Variants in DLG5 observed in about 807,000 individuals in gnomAD.
DLG5 encodes discs large MAGUK scaffold protein 5.
Under a neutral mutation model 189.8 loss-of-function variants are expected in DLG5, and 48 were observed. The observed-to-expected ratio is 0.25, with a 90% confidence interval of 0.20 to 0.32. DLG5 has a LOEUF of 0.32. DLG5 is among the 10% of genes least tolerant of loss of function. DLG5 has a pLI of 1.00. For missense variants in DLG5, 2,160 were observed against 2,544.7 expected (o/e 0.85, Z 3.25); for synonymous variants, 1,016 against 1,054.1 (o/e 0.96, Z 0.70).
intron 5 of DLG5, among the ~76,000 whole-genome samples, chr10:77,847,631 T>G (rs928176394): frequency 5.9e-5 from 9 of 152,134 alleles, no homozygotes; most frequent in Non-Finnish European, 1.2e-4. Flanking sequence ...ATGTTCTTGG[T>G]AGGTATTTCC....
intron 1 of DLG5, among the ~76,000 whole-genome samples, chr10:77,905,777 C>T (rs116278519): frequency 1.4e-3 from 215 of 152,292 alleles, no homozygotes; most frequent in African/African-American, 4.9e-3. Flanking sequence ...TTCTCTCTCT[C>T]GTCTTATTTA....
intron 1 of DLG5, among the ~76,000 whole-genome samples, chr10:77,904,548 G>A (rs114688808): frequency 0.011 from 1,736 of 152,112 alleles, 27 homozygotes; most frequent in African/African-American, 0.04. Flanking sequence ...AGGGACTTAC[G>A]GGGAGGTAAC....
chr10:77,830,163 G>C, intron 11 of DLG5, 54 bp downstream of exon 11: 1 of 1,609,806 alleles, frequency 6.2e-7, no homozygotes, highest in African/African-American at 1.3e-5. Context: ...CGGGTCCTCT[G>C]CACTGGGAAG....
intron 15 of DLG5, 21 bp from the exon 16 acceptor site, chr10:77,820,039 G>T: frequency 2.5e-6 from 4 of 1,611,988 alleles, no homozygotes; most frequent in Non-Finnish European, 3.4e-6. Flanking sequence ...AAGGGCAAGA[G>T]TGTCTGCTAG....
At chr10:77,856,596 G>A in intron 3 of DLG5, 134 bp downstream of exon 3, 1 of 1,175,164 alleles carries the variant, frequency 8.5e-7, no homozygotes, top group South Asian at 1.5e-5. Context: ...TGGACATGAG[G>A]TGGGGGAAAG....
chr10:77,934,855 T>TTG, the DLG5 span, among the ~76,000 whole-genome samples: 2,012 of 147,774 alleles, frequency 0.014, 53 homozygotes, highest in African/African-American at 0.043. Context: ...TTTTTTTGTT[T>TTG]TTTTGTTTTT....
chr10:77,820,589 G>A (rs12260898), intron 15 of DLG5: 5,252 of 176,162 alleles, frequency 0.03, 296 homozygotes, highest in African/African-American at 0.12. Context: ...CATCAGGCAC[G>A]TACAACTCTG....
At chr10:77,849,629 C>T (rs551084479) in intron 5 of DLG5, among the ~76,000 whole-genome samples, 133 of 152,348 alleles carry the variant, frequency 8.7e-4, no homozygotes, top group Middle Eastern at 3.4e-3. Context: ...ATCCCCACCC[C>T]CGCCCCTGCT....
the DLG5 span, among the ~76,000 whole-genome samples, chr10:77,935,825 A>G: frequency 1.3e-5 from 2 of 152,170 alleles, no homozygotes; most frequent in African/African-American, 2.4e-5. Context: ...AGTTGTTTCT[A>G]GGACAGGTTT....
At chr10:77,822,338 C>T (rs1182950847) in intron 14 of DLG5, among the ~76,000 whole-genome samples, 6 of 152,198 alleles carry the variant, frequency 3.9e-5, no homozygotes, top group South Asian at 4.1e-4. Context: ...GTTTTCTTAA[C>T]TTTGAACACT....
intron 3 of DLG5, among the ~76,000 whole-genome samples, chr10:77,855,116 T>G (rs145433820): frequency 5.4e-4 from 82 of 152,372 alleles, no homozygotes; most frequent in African/African-American, 1.6e-3. Context: ...CCAGGTCAAT[T>G]ACATTAGCAT....
intron 1 of DLG5, among the ~76,000 whole-genome samples, chr10:77,880,386 G>A (rs1845241289): frequency 2.0e-5 from 3 of 152,276 alleles, no homozygotes; most frequent in East Asian, 1.9e-4. Context: ...CCCAGGAGGC[G>A]GAGGTTGCAG....
the DLG5 span, among the ~76,000 whole-genome samples, chr10:77,940,465 C>T: frequency 1.3e-5 from 2 of 152,160 alleles, no homozygotes; most frequent in Non-Finnish European, 2.9e-5. Flanking sequence ...TAATTTTGGA[C>T]ACAAATCTTT....
chr10:77,827,854 A>G (rs1233595498), intron 13 of DLG5, among the ~76,000 whole-genome samples: 1 of 152,206 alleles, frequency 6.6e-6, no homozygotes, highest in Non-Finnish European at 1.5e-5. Context: ...TAAGCAAAAC[A>G]ACACCAAGAA....
intron 27 of DLG5, among the ~76,000 whole-genome samples, chr10:77,799,243 C>T (rs550799620): frequency 5.3e-5 from 8 of 152,302 alleles, no homozygotes; most frequent in Admixed American, 2.0e-4. Flanking sequence ...TTAGACCATA[C>T]GGCAATGGCT....
intron 7 of DLG5, among the ~76,000 whole-genome samples, chr10:77,840,485 A>C (rs923716351): frequency 1.3e-5 from 2 of 152,236 alleles, no homozygotes; most frequent in Non-Finnish European, 2.9e-5. Context: ...TGGGAGGCCG[A>C]GGCGGAAGGA....
At chr10:77,922,539 T>C (rs1432153545) in intron 1 of DLG5, among the ~76,000 whole-genome samples, 1 of 152,150 alleles carries the variant, frequency 6.6e-6, no homozygotes, top group Non-Finnish European at 1.5e-5. Context: ...CCACAGTGAC[T>C]GGAAATGTCC....
chr10:77,873,462 T>G (rs1356461199), intron 1 of DLG5, among the ~76,000 whole-genome samples: 1 of 152,076 alleles, frequency 6.6e-6, no homozygotes, highest in African/African-American at 2.4e-5. Context: ...ACTGTCTGTG[T>G]CCTTTCCAAG....
rs776536288 is a variant in DLG5, at chr10:77,829,326, G to A, written c.2185+29C>T. ...CAAAAAAGGGCCCCAGCCACCTGAG[G>A]CACTCTGCCATGTTCACAGGCCCGC... On this transcript the variant is annotated intron_variant, in intron 12 of 31. Transcript: ENST00000372391. 21 of 1,612,464 alleles carry A rather than the reference G, an allele frequency of 1.3e-5. No homozygotes were observed. The Admixed American group carries it at 3.5e-4, about 27-fold the overall frequency.
Sources: allele counts gnomAD v4.1 joint callset (sites outside exome capture counted in the v4.1 genomes callset), GRCh38; gene constraint gnomAD v4.1.1; transcripts MANE v1.5; gene names NCBI Gene and HGNC (gene_info 2026-07-23, HGNC 2026-07-21).